Variants in PAPPA observed in about 807,000 individuals in gnomAD.
The protein encoded by PAPPA is pappalysin 1, also known as pappalysin-1.
Under a neutral mutation model 164.0 loss-of-function variants are expected in PAPPA, and 60 were observed. The ratio of observed to expected loss-of-function variants is 0.37; its 90% CI spans 0.30 to 0.45. The LOEUF (loss-of-function observed/expected upper bound fraction) is 0.45. Ranked by LOEUF, PAPPA falls within the 20% of genes least tolerant of loss-of-function variation. The probability of loss-of-function intolerance (pLI) is 1.00; values close to 1 mark genes in which losing one functional copy is unlikely to be tolerated. For synonymous variants in PAPPA, 875 were observed against 814.1 expected, an observed-to-expected ratio of 1.07 and a Z score of -1.27; for missense variants, 1,782 against 2,087.3, an observed-to-expected ratio of 0.85 and a Z score of 2.85.
intron 17 of PAPPA, among the ~76,000 whole-genome samples, chr9:116,356,354 A>G (rs1162250959): frequency 1.3e-5 from 2 of 152,186 alleles, no homozygotes; most frequent in African/African-American, 4.8e-5. Context: ...GAGCATGTCT[A>G]TGGGTACCCA....
chr9:116,300,376 C>T (rs1336614103), intron 9 of PAPPA, among the ~76,000 whole-genome samples: 1 of 152,036 alleles, frequency 6.6e-6, no homozygotes, highest in Non-Finnish European at 1.5e-5. Flanking sequence ...CTACTGGGCT[C>T]AATAAATCCT....
intron 3 of PAPPA, among the ~76,000 whole-genome samples, chr9:116,209,373 A>G (rs748089159): frequency 5.9e-5 from 9 of 152,198 alleles, no homozygotes; most frequent in Admixed American, 2.0e-4. Context: ...GGAGGCCAGA[A>G]GACCCTAAGG....
chr9:116,209,665 G>A (rs945387386), intron 3 of PAPPA, among the ~76,000 whole-genome samples: 2 of 152,168 alleles, frequency 1.3e-5, no homozygotes, highest in Non-Finnish European at 2.9e-5. Flanking sequence ...GTGAAAAGGG[G>A]TGAGTTGGGA....
At chr9:116,324,418 C>T (rs1845897222) in intron 10 of PAPPA, among the ~76,000 whole-genome samples, 1 of 152,160 alleles carries the variant, frequency 6.6e-6, no homozygotes, top group Non-Finnish European at 1.5e-5. Flanking sequence ...ATACATGTTG[C>T]TGCTGCTGCT....
chr9:116,214,174 A>G (rs957046172), intron 4 of PAPPA, among the ~76,000 whole-genome samples: 2 of 152,208 alleles, frequency 1.3e-5, no homozygotes, highest in Non-Finnish European at 2.9e-5. Flanking sequence ...ATTGAAATAC[A>G]ACTAGTGTGA....
chr9:116,325,120 G>A (rs1182267536), intron 10 of PAPPA, among the ~76,000 whole-genome samples: 4 of 152,206 alleles, frequency 2.6e-5, no homozygotes, highest in Non-Finnish European at 5.9e-5. Context: ...TTTCAGTTGA[G>A]TCCAAGTAGC....
chr9:116,177,612 T>G (rs1564174663), intron 1 of PAPPA, among the ~76,000 whole-genome samples: 1 of 152,212 alleles, frequency 6.6e-6, no homozygotes, highest in Non-Finnish European at 1.5e-5. Flanking sequence ...ATGCAGGGTA[T>G]GACAGCAGGA....
At chr9:116,306,657 T>C (rs1845650553) in intron 10 of PAPPA, among the ~76,000 whole-genome samples, 1 of 152,228 alleles carries the variant, frequency 6.6e-6, no homozygotes, top group Non-Finnish European at 1.5e-5. Flanking sequence ...ATCTCTCTTC[T>C]GGGAACCTCA....
At chr9:116,390,067 G>C (rs1231060940) in intron 21 of PAPPA, among the ~76,000 whole-genome samples, 1 of 152,154 alleles carries the variant, frequency 6.6e-6, no homozygotes, top group Admixed American at 6.5e-5. Context: ...GGTATTACCT[G>C]CTGTGTGACA....
intron 15 of PAPPA, among the ~76,000 whole-genome samples, chr9:116,352,104 A>T (rs1364160622): frequency 6.6e-6 from 1 of 152,210 alleles, no homozygotes; most frequent in Non-Finnish European, 1.5e-5. Context: ...CTACGGGGGA[A>T]GTGCTGCTCT....
chr9:116,291,965 A>G (rs1845442009), intron 9 of PAPPA, among the ~76,000 whole-genome samples: 1 of 152,188 alleles, frequency 6.6e-6, no homozygotes. Context: ...AATATTTGAA[A>G]TGACTGCTAA....
intron 1 of PAPPA, among the ~76,000 whole-genome samples, chr9:116,174,884 A>G: frequency 6.6e-6 from 1 of 152,152 alleles, no homozygotes; most frequent in African/African-American, 2.4e-5. Flanking sequence ...TTTGCCCAAG[A>G]TTAATAGTGG....
chr9:116,280,971 A>T (rs1405958520), intron 9 of PAPPA, among the ~76,000 whole-genome samples: 1 of 152,230 alleles, frequency 6.6e-6, no homozygotes, highest in East Asian at 1.9e-4. Context: ...CAGATCCTAC[A>T]TCCTCAGATT....
chr9:116,219,135 G>T (rs1000619824), intron 4 of PAPPA, among the ~76,000 whole-genome samples: 1 of 152,152 alleles, frequency 6.6e-6, no homozygotes, highest in Non-Finnish European at 1.5e-5. Context: ...CGTGCAATCT[G>T]ATCAGCCTCA....
chr9:116,197,569 C>T (rs575071299), intron 2 of PAPPA, among the ~76,000 whole-genome samples: 4 of 152,286 alleles, frequency 2.6e-5, no homozygotes, highest in Non-Finnish European at 4.4e-5. Context: ...TTTATTTCTA[C>T]TTTTGACAGC....
At chr9:116,254,781 CAAA>C (rs143327103) in intron 7 of PAPPA, among the ~76,000 whole-genome samples, 11 of 60,358 alleles carry the variant, frequency 1.8e-4, no homozygotes, top group African/African-American at 6.8e-4. Context: ...GACTCCGTCT[CAAA>C]AAAAAAAAAA....
rs759743807 is a variant in PAPPA, at chr9:116,352,802, A to G, written c.4061A>G (p.Asn1354Ser). 2.0e-5 allele frequency: 32 copies of G among 1,613,872 alleles called. No homozygotes were observed. The highest frequency in any genetic ancestry group is 1.2e-4 in the South Asian group (11 of 91,056). Residue 1354 changes from asparagine (N) to serine (S), a missense_variant, in exon 16 of 22, where the codon AAT (asparagine) becomes AGT (serine). Asn to Ser is a conservative substitution (Grantham distance 46, BLOSUM62 1). Coordinates refer to ENST00000328252, the MANE Select transcript of PAPPA (RefSeq NM_002581.5). ...LMCLAPPPVP[N>S]ADLQTARCRE... Reference sequence around the variant, plus strand: ...TGCCTCGCTCCACCCCCTGTGCCCAATGCAGACCTCCAGACCGCCCGGTGC... The same window carrying G: ...TGCCTCGCTCCACCCCCTGTGCCCAGTGCAGACCTCCAGACCGCCCGGTGC...
intron 2 of PAPPA, among the ~76,000 whole-genome samples, chr9:116,194,520 T>C (rs922684880): frequency 2.0e-5 from 3 of 152,176 alleles, no homozygotes; most frequent in African/African-American, 7.2e-5. Context: ...TCTGGTGTAG[T>C]GGAAAAATTA....
intron 10 of PAPPA, among the ~76,000 whole-genome samples, chr9:116,323,551 GAA>G (rs1179542144): frequency 6.6e-6 from 1 of 152,056 alleles, no homozygotes; most frequent in African/African-American, 2.4e-5. Flanking sequence ...CAAAAAGAAA[GAA>G]AGAGAGAGAG....
Sources: allele counts gnomAD v4.1 joint callset (sites outside exome capture counted in the v4.1 genomes callset), GRCh38; gene constraint gnomAD v4.1.1; transcripts MANE v1.5; gene names NCBI Gene and HGNC (gene_info 2026-07-23, HGNC 2026-07-21).